ARID5B: variants seen among roughly 807,000 people sequenced by gnomAD.
ARID5B encodes the protein AT-rich interactive domain-containing protein 5B.
Under a neutral mutation model 97.2 loss-of-function variants are expected in ARID5B, and 13 were observed. That is an observed-to-expected ratio of 0.13 (90% CI 0.09 to 0.21). ARID5B has a LOEUF of 0.21. ARID5B is among the 10% of genes least tolerant of loss of function. ARID5B has a pLI of 1.00. For synonymous variants in ARID5B, 556 were observed against 570.3 expected (o/e 0.97, Z 0.36); for missense variants, 1,210 against 1,465.3 (o/e 0.83, Z 2.84).
intron 2 of ARID5B, among the ~76,000 whole-genome samples, chr10:61,930,487 G>C (rs1268170854): frequency 6.6e-6 from 1 of 151,994 alleles, no homozygotes; most frequent in African/African-American, 2.4e-5. Flanking sequence ...TTGGGAGGGC[G>C]AGGCGGGCGG....
chr10:62,089,851 T>C (rs1840345083), intron 9 of ARID5B, among the ~76,000 whole-genome samples: 2 of 151,988 alleles, frequency 1.3e-5, no homozygotes, highest in Non-Finnish European at 2.9e-5. Context: ...AGGGATGAGA[T>C]GGAAAAAGGA....
chr10:61,970,893 A>G (rs1408160584), intron 3 of ARID5B, among the ~76,000 whole-genome samples: 2 of 152,178 alleles, frequency 1.3e-5, no homozygotes, highest in Admixed American at 1.3e-4. Context: ...GGATTCCTCA[A>G]CAAAAGTAAT....
chr10:62,087,816 T>A (rs1840312417), intron 9 of ARID5B, among the ~76,000 whole-genome samples: 2 of 152,056 alleles, frequency 1.3e-5, no homozygotes, highest in Non-Finnish European at 2.9e-5. Context: ...GGTTTCATAA[T>A]TATTTTAAGC....
At chr10:61,943,448 A>G (rs1452595133) in intron 3 of ARID5B, among the ~76,000 whole-genome samples, 1 of 149,748 alleles carries the variant, frequency 6.7e-6, no homozygotes, top group Non-Finnish European at 1.5e-5. Context: ...AAGAAAGAAG[A>G]TGAACTGTGA....
At chr10:61,966,101 C>T (rs2132827584) in intron 3 of ARID5B, among the ~76,000 whole-genome samples, 1 of 152,270 alleles carries the variant, frequency 6.6e-6, no homozygotes, top group African/African-American at 2.4e-5. Context: ...TCCCACTATG[C>T]AGAGGCTTAC....
At chr10:61,971,669 C>T (rs532063161) in intron 3 of ARID5B, among the ~76,000 whole-genome samples, 17 of 152,258 alleles carry the variant, frequency 1.1e-4, no homozygotes, top group African/African-American at 4.1e-4. Context: ...TATAATAATG[C>T]ATCAATATTG....
At chr10:62,031,091 T>C (rs528868549) in intron 4 of ARID5B, among the ~76,000 whole-genome samples, 3 of 152,124 alleles carry the variant, frequency 2.0e-5, no homozygotes, top group Non-Finnish European at 4.4e-5. Flanking sequence ...AAAATTAGCC[T>C]GTCACGGTGG....
rs2132990378 is a variant in ARID5B, at chr10:62,093,922, G to T, written c.*892G>T. The T allele has an allele frequency of 4.3e-6, 1 of 233,510 alleles. No homozygotes were observed. Among genetic ancestry groups the T allele is most frequent in the East Asian group, 6.0e-5 (1 of 16,554 alleles). 14.5% of individuals were successfully genotyped at this position (233,510 alleles called of 1,614,324 possible). A position where few individuals can be genotyped will look rare whatever the true frequency, so the allele number is the denominator to read the frequency against. ...TGTAGATCCGCAACTTAAGGATTTT[G>T]TTCCTCATAAATGGCATAGTTGAAA... On this transcript the variant is annotated 3_prime_UTR_variant, in exon 10 of 10. Transcript: ENST00000279873.
rs760053508 is a variant in ARID5B at position 62,050,984 on chromosome 10, G to T, written c.830G>T (p.Gly277Val). ...AAGGATTCCAACAACAATTCCGATGGCAAAGCCGTTGCCAAGGTACGGTCA... is the reference window on the plus strand; with the variant it reads ...AAGGATTCCAACAACAATTCCGATGTCAAAGCCGTTGCCAAGGTACGGTCA... ...GVKDSNNNSDGKAVAKVKCEA... is the reference protein window; with the variant it reads ...GVKDSNNNSDVKAVAKVKCEA... The change falls in exon 5 of 10, where the codon GGC becomes GTC. Residue 277 changes from glycine to valine, a missense_variant. Transcript: ENST00000279873. 8 of 1,613,814 alleles carry T rather than the reference G, an allele frequency of 5.0e-6. No individual in the cohort carries two copies. The highest frequency in any genetic ancestry group is 5.9e-6 in the Non-Finnish European group (7 of 1,179,808).
chr10:62,089,334 A>G (rs1032765031), intron 9 of ARID5B, among the ~76,000 whole-genome samples: 3 of 152,040 alleles, frequency 2.0e-5, no homozygotes, highest in Admixed American at 1.3e-4. Context: ...TTTTTTTTAA[A>G]GGGATTTAAG....
chr10:61,968,312 C>T (rs1004350037), intron 3 of ARID5B, among the ~76,000 whole-genome samples: 5 of 151,096 alleles, frequency 3.3e-5, no homozygotes, highest in South Asian at 2.1e-4. Flanking sequence ...AAAACCCACC[C>T]GATTGGTTTT....
chr10:62,066,416 A>T (rs1482510231), intron 7 of ARID5B, among the ~76,000 whole-genome samples: 2 of 152,244 alleles, frequency 1.3e-5, no homozygotes, highest in African/African-American at 4.8e-5. Flanking sequence ...GAAAGAAAAT[A>T]TCTCAAAATG....
chr10:61,955,005 T>TTAAAAAAAA (rs1207667949), intron 3 of ARID5B, among the ~76,000 whole-genome samples: 1 of 139,268 alleles, frequency 7.2e-6, no homozygotes, highest in Non-Finnish European at 1.6e-5. Context: ...AAACTCCATC[T>TTAAAAAAAA]CAAAAAAAAA....
chr10:61,949,821 C>A (rs1589231586), intron 3 of ARID5B, among the ~76,000 whole-genome samples: 1 of 152,202 alleles, frequency 6.6e-6, no homozygotes, highest in Non-Finnish European at 1.5e-5. Flanking sequence ...CTATTCCTTG[C>A]TATGCCTTTA....
chr10:61,929,977 C>A (rs1844174582), intron 2 of ARID5B, among the ~76,000 whole-genome samples: 1 of 152,210 alleles, frequency 6.6e-6, no homozygotes, highest in African/African-American at 2.4e-5. Flanking sequence ...TTCCGCTGAG[C>A]TTGAGTTGAC....
In ARID5B at chr10:62,092,347, A is replaced by G; in HGVS notation, c.2884A>G (p.Met962Val). The G allele has an allele frequency of 6.2e-7, 1 of 1,614,080 alleles. No individual in the cohort carries two copies. The highest frequency in any genetic ancestry group is 8.5e-7 in the Non-Finnish European group (1 of 1,179,952). ...AGCCTGTCGGGTATCACCCATGACC[A>G]TGTCAGGCCCTAAAAAATACCCTGA... Reference protein sequence around the residue: ...PKACRVSPMTMSGPKKYPESL... With the variant: ...PKACRVSPMTVSGPKKYPESL... The change falls in exon 10 of 10, where the codon ATG becomes GTG. Residue 962 changes from methionine (M) to valine (V), a missense_variant. By Grantham distance (21) the Met-to-Val change is conservative. Transcript: ENST00000279873.
chr10:61,939,433 A>G (rs1054812964), intron 2 of ARID5B, among the ~76,000 whole-genome samples: 1 of 152,186 alleles, frequency 6.6e-6, no homozygotes, highest in African/African-American at 2.4e-5. Context: ...TTAACATTCA[A>G]ATTTATGATC....
rs555136247 is a variant in ARID5B, at chr10:61,937,517, A to C, written c.277-2666A>C. On this transcript the variant is annotated intron_variant, in intron 2 of 9. Transcript: ENST00000279873. ...GGATAAGGACTTAGAACGTGGCTCA[A>C]CACAGCTTACATAAATATTGATTAA... 1.5e-3 allele frequency among the ~76,000 whole-genome samples: 224 copies of C among 152,374 alleles called. 2 individuals are homozygous for C. The highest frequency in any genetic ancestry group is 5.2e-3 in the African/African-American group (217 of 41,586).
chr10:62,045,354 T>C (rs1839692441), intron 4 of ARID5B, among the ~76,000 whole-genome samples: 2 of 152,214 alleles, frequency 1.3e-5, no homozygotes, highest in East Asian at 1.9e-4. Flanking sequence ...AAGGGAAACA[T>C]TGAAAATAGA....
Sources: gnomAD v4.1 joint callset for allele counts (sites outside exome capture counted in the v4.1 genomes callset) on GRCh38, gnomAD v4.1.1 for gene constraint, MANE v1.5 for transcripts, NCBI Gene and HGNC (gene_info 2026-07-23, HGNC 2026-07-21) for gene names.